Variants in GPR39 observed in about 807,000 individuals in gnomAD.
GPR39 encodes G protein-coupled receptor 39.
Under a neutral mutation model 18.4 loss-of-function variants are expected in GPR39, and 23 were observed. The observed-to-expected ratio is 1.25, with a 90% CI of 0.90 to 1.77. The LOEUF (loss-of-function observed/expected upper bound fraction) is 1.77, where lower values mean the gene tolerates loss of function less well. Among genes scored for constraint, GPR39 ranks in the 40% most tolerant of loss-of-function variants. The probability of loss-of-function intolerance (pLI) is 0.00; values close to 1 mark genes in which losing one functional copy is unlikely to be tolerated. For synonymous variants in GPR39, 280 were observed against 257.9 expected (o/e 1.09, Z -0.82); for missense variants, 647 against 602.4 (o/e 1.07, Z -0.78).
intron 1 of GPR39, among the ~76,000 whole-genome samples, chr2:132,569,596 A>T (rs919287269): frequency 1.4e-5 from 2 of 138,318 alleles, no homozygotes; most frequent in East Asian, 4.7e-4. Context: ...TGTCACCTAG[A>T]TCCAGAGTCC....
chr2:132,646,201 T>C lies in GPR39; in HGVS notation c.*595T>C. On this transcript the variant is annotated 3_prime_UTR_variant, in exon 2 of 2. Coordinates refer to ENST00000329321, the MANE Select transcript of GPR39 (RefSeq NM_001508.3). ...TGATGCAAACTGAGTTCAGTTTCCC[T>C]GGGGAGCAGAAGGACTGGTACCCGG... 1 of 1,607,462 alleles carries C rather than the reference T, an allele frequency of 6.2e-7. No individual in the cohort carries two copies. The highest frequency in any genetic ancestry group is 2.2e-5 in the East Asian group (1 of 44,646).
chr2:132,473,992 G>T (rs1424926127), intron 1 of GPR39, among the ~76,000 whole-genome samples: 1 of 152,166 alleles, frequency 6.6e-6, no homozygotes, highest in Non-Finnish European at 1.5e-5. Flanking sequence ...CTTAGTGACT[G>T]GGAAATAATC....
rs369881849 is a variant in GPR39, at chr2:132,478,168, G to A, written c.856+60270G>A. Among the ~76,000 whole-genome samples the A allele has an allele frequency of 3.4e-4, 52 of 152,302 alleles. 1 individual carries two copies. The East Asian group carries it at 9.1e-3, about 27-fold the overall frequency. On this transcript the variant is annotated intron_variant, in intron 1 of 1. Coordinates refer to ENST00000329321, the MANE Select transcript of GPR39 (RefSeq NM_001508.3). The stretch of plus-strand genomic sequence containing the variant: ...CCACAAACTGCTGAACACTGACTGC[G>A]TTTCCACAGGCAGCAAAGAAAAAGT...
At chr2:132,447,722 C>T (rs892444700) in intron 1 of GPR39, among the ~76,000 whole-genome samples, 3 of 152,088 alleles carry the variant, frequency 2.0e-5, no homozygotes, top group African/African-American at 7.2e-5. Context: ...TTAAGTTTAG[C>T]AACTGAAGCA....
In GPR39 at chr2:132,623,118, A is replaced by G. The variant is rs149107034; in HGVS notation, c.857-21983A>G. On this transcript the variant is annotated intron_variant, in intron 1 of 1. Transcript: ENST00000329321. ...CAAAGCGAGACTCTGTCTCAAATAA[A>G]TAAATAAGACCTATTTAATGAGATT... 1.0e-3 allele frequency among the ~76,000 whole-genome samples: 156 copies of G among 152,266 alleles called. 3 individuals carry two copies. Among genetic ancestry groups the G allele is most frequent in the African/African-American group, 3.6e-3 (148 of 41,558 alleles).
chr2:132,465,257 A>T (rs927263598), intron 1 of GPR39, among the ~76,000 whole-genome samples: 1 of 150,666 alleles, frequency 6.6e-6, no homozygotes, highest in East Asian at 1.9e-4. Flanking sequence ...ATCTGTAAGG[A>T]TAGATTACCA....
At chr2:132,441,058 G>T (rs972179517) in intron 1 of GPR39, among the ~76,000 whole-genome samples, 2 of 152,176 alleles carry the variant, frequency 1.3e-5, no homozygotes, top group South Asian at 4.1e-4. Flanking sequence ...CCATAGCCAT[G>T]CTCATAAGAA....
intron 1 of GPR39, among the ~76,000 whole-genome samples, chr2:132,573,498 A>T (rs1336325983): frequency 1.3e-5 from 2 of 152,164 alleles, no homozygotes; most frequent in Non-Finnish European, 2.9e-5. Flanking sequence ...AAGTTGGCAG[A>T]CAGGGCCTCC....
chr2:132,458,647 T>C (rs897703581), intron 1 of GPR39, among the ~76,000 whole-genome samples: 4 of 152,212 alleles, frequency 2.6e-5, no homozygotes, highest in Non-Finnish European at 4.4e-5. Context: ...TATTGCTTTA[T>C]AGAGCCTGTA....
chr2:132,460,906 C>T (rs1254182658), intron 1 of GPR39, among the ~76,000 whole-genome samples: 1 of 152,090 alleles, frequency 6.6e-6, no homozygotes, highest in Non-Finnish European at 1.5e-5. Context: ...TCAGCAAAGC[C>T]GAGAGCAGGC....
chr2:132,452,012 G>A (rs1482523550), intron 1 of GPR39, among the ~76,000 whole-genome samples: 1 of 152,082 alleles, frequency 6.6e-6, no homozygotes, highest in Non-Finnish European at 1.5e-5. Flanking sequence ...TTCAAATATG[G>A]TTCATTTCTT....
At chr2:132,598,431 CTTTTTTTTTT>C (rs34104835) in intron 1 of GPR39, among the ~76,000 whole-genome samples, 1 of 90,460 alleles carries the variant, frequency 1.1e-5, no homozygotes, top group Non-Finnish European at 2.1e-5. Flanking sequence ...CTAAGGTGAA[CTTTTTTTTTT>C]TTTTTTTTTT....
intron 1 of GPR39, among the ~76,000 whole-genome samples, chr2:132,483,827 C>T (rs539515622): frequency 2.0e-5 from 3 of 151,768 alleles, no homozygotes; most frequent in Admixed American, 6.6e-5. Flanking sequence ...GCAGGTCCTA[C>T]TAAAAAAAAA....
chr2:132,643,485 T>A (rs1363915360), intron 1 of GPR39, among the ~76,000 whole-genome samples: 1 of 152,164 alleles, frequency 6.6e-6, no homozygotes, highest in Admixed American at 6.5e-5. Flanking sequence ...CAATTCTGGA[T>A]GTGTGAATGT....
intron 1 of GPR39, among the ~76,000 whole-genome samples, chr2:132,544,165 G>C (rs1047608596): frequency 6.6e-6 from 1 of 152,150 alleles, no homozygotes; most frequent in Non-Finnish European, 1.5e-5. Flanking sequence ...TCATCTTTTA[G>C]TTTCTATAGG....
chr2:132,564,560 C>T (rs1680312309), intron 1 of GPR39, among the ~76,000 whole-genome samples: 1 of 152,166 alleles, frequency 6.6e-6, no homozygotes, highest in Admixed American at 6.5e-5. Context: ...CTCACCCCTT[C>T]CTCTGCTGAC....
At chr2:132,611,407 A>C (rs1206672988) in intron 1 of GPR39, among the ~76,000 whole-genome samples, 1 of 152,208 alleles carries the variant, frequency 6.6e-6, no homozygotes, top group Non-Finnish European at 1.5e-5. Context: ...CGTCCTTTAG[A>C]GGTCATCTAT....
chr2:132,505,247 T>C (rs1679113479), intron 1 of GPR39, among the ~76,000 whole-genome samples: 1 of 152,170 alleles, frequency 6.6e-6, no homozygotes, highest in South Asian at 2.1e-4. Flanking sequence ...CATCTTCTTT[T>C]TTTCTTAATT....
intron 1 of GPR39, among the ~76,000 whole-genome samples, chr2:132,603,178 T>C (rs186571167): frequency 1.3e-5 from 2 of 152,304 alleles, no homozygotes; most frequent in East Asian, 1.9e-4. Context: ...ATGTGATGTA[T>C]ATATGCAATG....
Sources: allele counts gnomAD v4.1 joint callset (sites outside exome capture counted in the v4.1 genomes callset), GRCh38; gene constraint gnomAD v4.1.1; transcripts MANE v1.5; gene names NCBI Gene and HGNC (gene_info 2026-07-23, HGNC 2026-07-21).